The following PCDHA4 variants were observed in gnomAD, a reference collection of about 807,000 sequenced individuals.
PCDHA4 encodes the protein protocadherin alpha-4.
In PCDHA4, 49 loss-of-function variants were observed where a neutral mutation model predicts 61.4. The ratio of observed to expected loss-of-function variants is 0.80; its 90% CI spans 0.63 to 1.01. The LOEUF (loss-of-function observed/expected upper bound fraction) is 1.01. Ranked by LOEUF, PCDHA4 falls within the 50% of genes least tolerant of loss-of-function variation. The probability of loss-of-function intolerance (pLI) is 0.00; values close to 1 mark genes in which losing one functional copy is unlikely to be tolerated. For synonymous variants in PCDHA4, 590 were observed against 550.3 expected, an observed-to-expected ratio of 1.07 and a Z score of -1.01; for missense variants, 1,254 against 1,235.8, an observed-to-expected ratio of 1.01 and a Z score of -0.22.
At chr5:140,896,517 A>G (rs1300184594) in intron 1 of PCDHA4, among the ~76,000 whole-genome samples, 1 of 149,680 alleles carries the variant, frequency 6.7e-6, no homozygotes, top group African/African-American at 2.5e-5. Flanking sequence ...GGCACACACC[A>G]CAAAGCCCAG....
intron 3 of PCDHA4, among the ~76,000 whole-genome samples, chr5:141,004,948 C>T (rs1356526927): frequency 6.6e-6 from 1 of 152,236 alleles, no homozygotes; most frequent in African/African-American, 2.4e-5. Context: ...TTCTTACCCT[C>T]TCTCGTCACT....
In PCDHA4 at chr5:140,944,201, G is replaced by T. The variant is rs1389405246; in HGVS notation, c.2386-34748G>T. Among the ~76,000 whole-genome samples, 5 of 152,034 alleles carry T rather than the reference G, an allele frequency of 3.3e-5. No homozygotes were observed. In the East Asian group the frequency reaches 9.6e-4, roughly 29 times the overall value. On this transcript the variant is annotated intron_variant, in intron 1 of 3. Coordinates refer to ENST00000530339, the MANE Select transcript of PCDHA4 (RefSeq NM_018907.4). ...TTGTTGGTTTGTTTTGTTTTGTTTT[G>T]TTTTTAAAGAGGGTTTTACTCTGTC...
chr5:140,878,313 AT>A (rs2057535405), intron 1 of PCDHA4, among the ~76,000 whole-genome samples: 1 of 152,186 alleles, frequency 6.6e-6, no homozygotes, highest in Non-Finnish European at 1.5e-5. Flanking sequence ...CAATCTAGAC[AT>A]TTTCACATTA....
In PCDHA4 at chr5:140,944,191, G is replaced by T. The variant is rs181232402; in HGVS notation, c.2386-34758G>T. The stretch of plus-strand genomic sequence containing the variant: ...GGCTGGTTTTTTGTTGGTTTGTTTT[G>T]TTTTGTTTTGTTTTTAAAGAGGGTT... On this transcript the variant is annotated intron_variant, in intron 1 of 3. Coordinates refer to ENST00000530339, the MANE Select transcript of PCDHA4 (RefSeq NM_018907.4). 9.2e-5 allele frequency among the ~76,000 whole-genome samples: 14 copies of T among 152,098 alleles called. No individual in the cohort carries two copies. The East Asian group carries it at 2.5e-3, about 27-fold the overall frequency.
rs2150182871 is a variant in PCDHA4 at position 140,830,216 on chromosome 5, A to G, written c.2385+20644A>G. ...GATCATCGCCATCTGCGCGGTATCC[A>G]GCCTGCTGGTCCTCACGCTACTGCT... is the stretch of plus-strand genomic sequence containing the variant. On this transcript the variant is annotated intron_variant, in intron 1 of 3. Transcript: ENST00000530339. 72 of 1,613,860 alleles carry G rather than the reference A, an allele frequency of 4.5e-5. No homozygotes were observed. The South Asian group carries it at 7.4e-4, about 16-fold the overall frequency.
intron 1 of PCDHA4, among the ~76,000 whole-genome samples, chr5:140,938,353 C>G (rs2092034112): frequency 6.6e-6 from 1 of 152,138 alleles, no homozygotes; most frequent in Admixed American, 6.5e-5. Flanking sequence ...TGTCTTATTC[C>G]TGGTCTCAGA....
chr5:140,896,260 G>A (rs1304707341), intron 1 of PCDHA4, among the ~76,000 whole-genome samples: 1 of 152,230 alleles, frequency 6.6e-6, no homozygotes, highest in African/African-American at 2.4e-5. Context: ...TATGTACACA[G>A]TTATGGGATT....
intron 1 of PCDHA4, among the ~76,000 whole-genome samples, chr5:140,961,987 C>T (rs1411300268): frequency 1.3e-5 from 2 of 151,942 alleles, no homozygotes; most frequent in African/African-American, 4.8e-5. Context: ...GGGTTCACGC[C>T]ATTGTCCTGC....
chr5:140,858,651 T>A, intron 1 of PCDHA4: 1 of 830,780 alleles, frequency 1.2e-6, no homozygotes, highest in Non-Finnish European at 1.8e-6. Context: ...GTACTTAAAT[T>A]TTTTTAAATA....
intron 1 of PCDHA4, chr5:140,814,223 T>TG (rs2126653089): frequency 7.2e-5 from 11 of 152,626 alleles, no homozygotes; most frequent in African/African-American, 2.2e-4. Flanking sequence ...AGTGTTTTTT[T>TG]TTGTTGTTGT....
At chr5:140,832,642 C>A (rs1554133590) in intron 1 of PCDHA4, among the ~76,000 whole-genome samples, 1 of 152,106 alleles carries the variant, frequency 6.6e-6, no homozygotes, top group African/African-American at 2.4e-5. Flanking sequence ...CTAGGAGGGT[C>A]TTTAAGAGTA....
In PCDHA4 at chr5:140,829,286, T is replaced by C. The variant is rs2150165207; in HGVS notation, c.2385+19714T>C. 13 of 1,614,254 alleles carry C rather than the reference T, an allele frequency of 8.1e-6. No individual in the cohort carries two copies. The African/African-American group carries it at 1.3e-4, about 17-fold the overall frequency. ...GCCTCACGTCCCTTTCAAGCTGGTG[T>C]CCACCTTCAAGAATTACTACTCGTT... is the stretch of plus-strand genomic sequence containing the variant. On this transcript the variant is annotated intron_variant, in intron 1 of 3. Transcript: ENST00000530339.
rs184672024 is a variant in PCDHA4, at chr5:140,889,762, T to C, written c.2385+80190T>C. Among the ~76,000 whole-genome samples, 15 of 152,308 alleles carry C rather than the reference T, an allele frequency of 9.8e-5. No homozygotes were observed. The East Asian group carries it at 2.9e-3, about 29-fold the overall frequency. The stretch of plus-strand genomic sequence containing the variant: ...GAGTCTAATTTTTCTTTCCTTGAAC[T>C]TTGACTGGTCTTAATATTGGAAGTA... On this transcript the variant is annotated intron_variant, in intron 1 of 3. Coordinates refer to ENST00000530339, the MANE Select transcript of PCDHA4 (RefSeq NM_018907.4).
chr5:140,962,637 T>A (rs556134281), intron 1 of PCDHA4, among the ~76,000 whole-genome samples: 3 of 152,338 alleles, frequency 2.0e-5, no homozygotes, highest in Admixed American at 6.5e-5. Flanking sequence ...AATTTAGCCA[T>A]CAAGTTATGT....
At chr5:140,830,506 AAC>A in intron 1 of PCDHA4, 2 of 1,430,724 alleles carry the variant, frequency 1.4e-6, no homozygotes, top group Non-Finnish European at 1.9e-6. Flanking sequence ...TTTCATAATT[AAC>A]AGTTAATTTT....
rs2150112060 is a variant in PCDHA4, at chr5:140,821,924, A to T, written c.2385+12352A>T. On this transcript the variant is annotated intron_variant, in intron 1 of 3. Transcript: ENST00000530339. ...ACCTTCGTTGGCCGCATCGCGCAGG[A>T]CCTAGGGCTGGAGCTGGCGGAGCTG... 7 of 1,614,172 alleles carry T rather than the reference A, an allele frequency of 4.3e-6. No individual in the cohort carries two copies. In the Admixed American group the frequency reaches 1.2e-4, roughly 27 times the overall value.
intron 1 of PCDHA4, chr5:140,852,101 T>C (rs1297369324): frequency 1.1e-6 from 1 of 909,228 alleles, no homozygotes; most frequent in Non-Finnish European, 1.3e-6. Context: ...TGTCAGATAT[T>C]TTACAAGGTA....
intron 1 of PCDHA4, among the ~76,000 whole-genome samples, chr5:140,881,114 T>A (rs2058590741): frequency 6.6e-6 from 1 of 152,204 alleles, no homozygotes; most frequent in Admixed American, 6.5e-5. Context: ...GGCCTGGGAT[T>A]TTGTGGCTTG....
chr5:140,835,862 G>C (rs1275632045), intron 1 of PCDHA4: 3 of 1,611,998 alleles, frequency 1.9e-6, no homozygotes, highest in East Asian at 4.5e-5. Context: ...TGTCCTACTC[G>C]CTGGTGGAGC....
Sources: allele counts gnomAD v4.1 joint callset (sites outside exome capture counted in the v4.1 genomes callset), GRCh38; gene constraint gnomAD v4.1.1; transcripts MANE v1.5; gene names NCBI Gene and HGNC (gene_info 2026-07-23, HGNC 2026-07-21).